Variants in KPNA5 observed in about 807,000 individuals in gnomAD.
The protein encoded by KPNA5 is karyopherin subunit alpha 5.
In KPNA5, 46 loss-of-function variants were observed where a neutral mutation model predicts 71.3. The ratio of observed to expected loss-of-function variants is 0.65; its 90% confidence interval spans 0.51 to 0.83. KPNA5 has a LOEUF of 0.83. Among genes scored for constraint, KPNA5 ranks in the 40% least tolerant of loss-of-function variants. The probability of loss-of-function intolerance (pLI) is 0.00; values close to 1 mark genes in which losing one functional copy is unlikely to be tolerated. For synonymous variants in KPNA5, 207 were observed against 201.4 expected, an observed-to-expected ratio of 1.03 and a Z score of -0.24; for missense variants, 547 against 628.3, an observed-to-expected ratio of 0.87 and a Z score of 1.38.
At position 116,736,521 on chromosome 6, in the gene KPNA5, A is replaced by G. The variant is rs920985435; in HGVS notation, c.*4198A>G. On this transcript the variant is annotated 3_prime_UTR_variant, in exon 14 of 14. Coordinates refer to ENST00000368564, the MANE Select transcript of KPNA5 (RefSeq NM_001366306.2). ...AGTGCTCAGTAGGGAGTGCAGGGCT[A>G]CAGTATGTTTTTTAAATCACGTGAG... The G allele has an allele frequency of 2.0e-5, 3 of 152,024 alleles. No homozygotes were observed. The highest frequency in any genetic ancestry group is 7.2e-5 in the African/African-American group (3 of 41,440). 9.4% of individuals were successfully genotyped at this position (152,024 alleles called of 1,614,324 possible).
At chr6:116,692,993 T>C (rs1777865055) in intron 4 of KPNA5, among the ~76,000 whole-genome samples, 2 of 152,328 alleles carry the variant, frequency 1.3e-5, no homozygotes, top group African/African-American at 4.8e-5. Context: ...GTGTTTGGTT[T>C]TTTGTCCTTG....
At position 116,710,859 on chromosome 6, in the gene KPNA5, G is replaced by A. The variant is rs375204793; in HGVS notation, c.657-5360G>A. Among the ~76,000 whole-genome samples the A allele has an allele frequency of 4.5e-5, 5 of 111,892 alleles. No individual in the cohort carries two copies. The East Asian group carries it at 1.4e-3, about 31-fold the overall frequency. The allele number at this position is 111,892 out of a possible 152,430, so 73.4% of individuals were successfully genotyped here. A position where few individuals can be genotyped will look rare whatever the true frequency, so the allele number is the denominator to read the frequency against. Reference sequence around the variant, plus strand: ...AATGTCTCTACTTTCATTCTTAATTGTAGTAATATTATTTTATATATATAT... The same window carrying A: ...AATGTCTCTACTTTCATTCTTAATTATAGTAATATTATTTTATATATATAT... On this transcript the variant is annotated intron_variant, in intron 7 of 13. Coordinates refer to ENST00000368564, the MANE Select transcript of KPNA5 (RefSeq NM_001366306.2).
chr6:116,698,086 T>A (rs1184681065), intron 4 of KPNA5, among the ~76,000 whole-genome samples: 1 of 152,026 alleles, frequency 6.6e-6, no homozygotes, highest in Non-Finnish European at 1.5e-5. Context: ...TACGTTTTGC[T>A]GAAGCCAAGG....
At chr6:116,722,962 G>T (rs1779166028) in intron 9 of KPNA5, among the ~76,000 whole-genome samples, 1 of 152,128 alleles carries the variant, frequency 6.6e-6, no homozygotes, top group Admixed American at 6.5e-5. Flanking sequence ...GTCTGATAAG[G>T]AGTTGGGGGT....
chr6:116,681,580 T>A, intron 1 of KPNA5: 5 of 1,229,476 alleles, frequency 4.1e-6, no homozygotes, highest in Non-Finnish European at 5.1e-6. Context: ...CAGCAGGTCC[T>A]CTGGAGTGAT....
intron 1 of KPNA5, among the ~76,000 whole-genome samples, chr6:116,685,632 G>A (rs1017244697): frequency 5.9e-5 from 9 of 152,160 alleles, no homozygotes; most frequent in African/African-American, 2.2e-4. Flanking sequence ...CTTTTTTGTG[G>A]CTGCATAGTA....
intron 6 of KPNA5, among the ~76,000 whole-genome samples, chr6:116,704,863 C>T (rs910707818): frequency 2.0e-5 from 3 of 152,188 alleles, no homozygotes; most frequent in East Asian, 1.9e-4. Flanking sequence ...ACGCGTGAGC[C>T]ACCTTGTTCA....
intron 4 of KPNA5, among the ~76,000 whole-genome samples, chr6:116,693,306 A>G (rs981802518): frequency 6.6e-6 from 1 of 152,202 alleles, no homozygotes; most frequent in African/African-American, 2.4e-5. Flanking sequence ...CTGAGGAATC[A>G]CCACACTGAC....
At position 116,734,071 on chromosome 6, in the gene KPNA5, G is replaced by A. The variant is rs1779587813; in HGVS notation, c.*1748G>A. The A allele has an allele frequency of 6.6e-6, 1 of 151,692 alleles. No homozygotes were observed. Among genetic ancestry groups the A allele is most frequent in the African/African-American group, 2.4e-5 (1 of 41,486 alleles). The allele number at this position is 151,692 out of a possible 1,614,324, so 9.4% of individuals were successfully genotyped here. ...TTTTCGTAGTGGAAGGTATATAGCC[G>A]AGTATAAAATGGTTTTCTTTTGCAT... On this transcript the variant is annotated 3_prime_UTR_variant, in exon 14 of 14. Transcript: ENST00000368564.
chr6:116,687,470 G>C (rs963573368), intron 1 of KPNA5, among the ~76,000 whole-genome samples: 8 of 152,098 alleles, frequency 5.3e-5, no homozygotes, highest in Non-Finnish European at 1.0e-4. Flanking sequence ...GATTGTGATA[G>C]TTACATGCAT....
chr6:116,726,560 C>G lies in KPNA5; in HGVS notation c.1191C>G (p.Thr397=), dbSNP rs138982576. Residue 397 remains threonine (T), a synonymous_variant, in exon 12 of 14, where the codon ACC becomes ACG. Transcript: ENST00000368564. ...TTCTTCAGAAAGCAGAGTTTCGTAC[C>G]AGAAAAGAAGCAGCTTGGGCTATAA... ...IEILQKAEFR[T]RKEAAWAITN... is the part of the protein sequence containing the mutation. 6.4e-5 allele frequency: 103 copies of G among 1,611,884 alleles called. No individual in the cohort carries two copies. In the African/African-American group the frequency reaches 1.1e-3, roughly 18 times the overall value.
intron 1 of KPNA5, 199 bp downstream of exon 1, chr6:116,681,537 C>A (rs1777355060): frequency 7.4e-7 from 1 of 1,343,716 alleles, no homozygotes; most frequent in Non-Finnish European, 9.5e-7. Context: ...CTTTCCCTTG[C>A]GGACGCGAAG....
At chr6:116,715,442 G>T (rs1458341490) in intron 7 of KPNA5, among the ~76,000 whole-genome samples, 1 of 151,932 alleles carries the variant, frequency 6.6e-6, no homozygotes, top group Non-Finnish European at 1.5e-5. Flanking sequence ...GAGCTGAGAA[G>T]AAAAATTCTC....
At chr6:116,684,994 A>G (rs967289618) in intron 1 of KPNA5, among the ~76,000 whole-genome samples, 26 of 152,386 alleles carry the variant, frequency 1.7e-4, no homozygotes, top group Non-Finnish European at 1.6e-4. Flanking sequence ...AAAGTGAAAC[A>G]TAAACTTGCC....
In KPNA5 at chr6:116,733,753, A is replaced by C. The variant is rs143296906; in HGVS notation, c.*1430A>C. On this transcript the variant is annotated 3_prime_UTR_variant, in exon 14 of 14. Coordinates refer to ENST00000368564, the MANE Select transcript of KPNA5 (RefSeq NM_001366306.2). Reference sequence around the variant, plus strand: ...GTTTACAACTCTTTTTAAGATGAGAACTAAGGCAATTTTGATATGATTCAT... The same window carrying C: ...GTTTACAACTCTTTTTAAGATGAGACCTAAGGCAATTTTGATATGATTCAT... 1.9e-4 allele frequency: 29 copies of C among 151,816 alleles called. No homozygotes were observed. In the East Asian group the frequency reaches 5.2e-3, roughly 27 times the overall value. The allele number at this position is 151,816 out of a possible 1,614,324, so 9.4% of individuals were successfully genotyped here.
At chr6:116,698,593 G>A (rs748100505) in intron 4 of KPNA5, 111 bp from the exon 5 acceptor site, 8 of 621,756 alleles carry the variant, frequency 1.3e-5, no homozygotes, top group Non-Finnish European at 2.2e-5. Flanking sequence ...TTAATCTTGG[G>A]TCAGGGAAAC....
chr6:116,732,353 A>G lies in KPNA5; in HGVS notation c.*30A>G, dbSNP rs1306440648. 1 of 1,347,946 alleles carries G rather than the reference A, an allele frequency of 7.4e-7. No homozygotes were observed. Among genetic ancestry groups the G allele is most frequent in the African/African-American group, 1.5e-5 (1 of 66,722 alleles). 83.5% of individuals were successfully genotyped at this position (1,347,946 alleles called of 1,614,324 possible). A position where few individuals can be genotyped will look rare whatever the true frequency, so the allele number is the denominator to read the frequency against. ...CTGGAGGAAAAAAAATTTATGGCTA[A>G]AAAGGGTAGCTTCAGGTAACTCCTC... On this transcript the variant is annotated 3_prime_UTR_variant, in exon 14 of 14. Transcript: ENST00000368564.
At chr6:116,691,996 A>G (rs1032786505) in intron 2 of KPNA5, 59 bp from the exon 3 acceptor site, 2 of 1,069,326 alleles carry the variant, frequency 1.9e-6, no homozygotes, top group Non-Finnish European at 1.4e-6. Context: ...ATGGAATTCT[A>G]TGGCAACTTA....
intron 12 of KPNA5, 141 bp from the exon 13 acceptor site, chr6:116,729,422 C>A: frequency 2.1e-6 from 1 of 472,022 alleles, no homozygotes; most frequent in Non-Finnish European, 3.5e-6. Flanking sequence ...GTAATGTTTG[C>A]ATTTGTATAG....
Sources: gnomAD v4.1 joint callset for allele counts (sites outside exome capture counted in the v4.1 genomes callset) on GRCh38, gnomAD v4.1.1 for gene constraint, MANE v1.5 for transcripts, NCBI Gene and HGNC (gene_info 2026-07-23, HGNC 2026-07-21) for gene names.